IAH1: variants seen among roughly 807,000 people sequenced by gnomAD.
IAH1 encodes isoamyl acetate-hydrolyzing esterase 1 homolog.
Under a neutral mutation model 26.7 loss-of-function variants are expected in IAH1, and 24 were observed. The observed-to-expected ratio is 0.90, with a 90% CI of 0.65 to 1.26. IAH1 has a LOEUF of 1.26. Ranked by LOEUF, IAH1 falls within the 50% of genes most tolerant of loss-of-function variation. The pLI is 0.00. For missense variants in IAH1, 300 were observed against 299.9 expected (o/e 1.00, Z 0.00); for synonymous variants, 140 against 118.5 (o/e 1.18, Z -1.18).
rs1316705487 is a variant in IAH1, at chr2:9,478,349, G to T, written c.262G>T (p.Ala88Ser). ...IPVAVTIFFG[A>S]NDSALKDENP... ...AGTAGCAGTTACAATTTTCTTTGGG[G>T]CCAATGACAGTGCACTAAAAGGTAA... Residue 88 changes from alanine to serine, a missense_variant, in exon 3 of 6, where the codon GCC becomes TCC. Ala to Ser is a moderately conservative substitution (Grantham distance 99). Transcript: ENST00000497473. 1.2e-6 allele frequency: 2 copies of T among 1,608,180 alleles called. No homozygotes were observed. The highest frequency in any genetic ancestry group is 3.4e-5 in the Admixed American group (2 of 59,192).
At chr2:9,508,369 C>G in the IAH1 span, among the ~76,000 whole-genome samples, 1 of 152,196 alleles carries the variant, frequency 6.6e-6, no homozygotes, top group East Asian at 1.9e-4. Context: ...TACATCCGCG[C>G]TACTTTTCCT....
At chr2:9,508,257 G>A in the IAH1 span, among the ~76,000 whole-genome samples, 1 of 152,122 alleles carries the variant, frequency 6.6e-6, no homozygotes. Context: ...TTCTATTACA[G>A]AAATATTCAA....
At chr2:9,494,864 A>G in intron 6 of IAH1, 1 of 1,452,840 alleles carries the variant, frequency 6.9e-7, no homozygotes, top group Non-Finnish European at 9.3e-7. Context: ...CAAAGAGGTA[A>G]GAAATCACAT....
At position 9,487,842 on chromosome 2, in the gene IAH1, G is replaced by GCGCGCGCA. The variant is rs1553354427; in HGVS notation, c.565-298_565-297insACGCGCGC. On this transcript the variant is annotated intron_variant, in intron 5 of 5. Transcript: ENST00000497473. The stretch of plus-strand genomic sequence containing the variant: ...TGTGTGTGTGTGTGTGTGCGCGCGC[G>GCGCGCGCA]CGCGCGCGCTGTGGGGGGAGACAGT... Among the ~76,000 whole-genome samples, 45 of 139,596 alleles carry GCGCGCGCA rather than the reference G, an allele frequency of 3.2e-4. 2 individuals carry two copies. Among genetic ancestry groups the GCGCGCGCA allele is most frequent in the African/African-American group, 1.1e-3 (38 of 34,102 alleles). The allele number at this position is 139,596 out of a possible 152,430, so 91.6% of individuals were successfully genotyped here.
downstream of IAH1, chr2:9,493,723 A>AG: frequency 6.3e-7 from 1 of 1,599,978 alleles, no homozygotes; most frequent in Non-Finnish European, 8.6e-7. Context: ...AGCTCTCAGT[A>AG]AGTAATCTGG....
At chr2:9,505,606 C>T in the IAH1 span, 8 of 505,078 alleles carry the variant, frequency 1.6e-5, no homozygotes, top group Admixed American at 9.7e-5. Context: ...ATTCTTCTTA[C>T]GAAGGTAAGC....
chr2:9,489,746 A>T (rs1056819058), downstream of IAH1: 1 of 143,042 alleles, frequency 7.0e-6, no homozygotes, highest in Non-Finnish European at 1.5e-5. Context: ...AAAAAAAAAA[A>T]AAACTATTCC....
intron 4 of IAH1, among the ~76,000 whole-genome samples, chr2:9,483,279 G>A (rs1183606328): frequency 5.9e-5 from 9 of 152,120 alleles, no homozygotes; most frequent in African/African-American, 2.2e-4. Context: ...GTCTTGCTGT[G>A]TCACCCAGGC....
At position 9,481,470 on chromosome 2, in the gene IAH1, C is replaced by T. The variant is rs187336459; in HGVS notation, c.445+23C>T. ...AAGGTAAACAAACCACAGCCAATCTCGGCAAATCTGGATAGGAATGCTGAG... is the reference window on the plus strand; with the variant it reads ...AAGGTAAACAAACCACAGCCAATCTTGGCAAATCTGGATAGGAATGCTGAG... On this transcript the variant is annotated intron_variant, in intron 4 of 5. Transcript: ENST00000497473. The T allele has an allele frequency of 5.4e-4, 873 of 1,612,762 alleles. 4 individuals are homozygous for T. In the African/African-American group the frequency reaches 0.01, roughly 19 times the overall value.
downstream of IAH1, among the ~76,000 whole-genome samples, chr2:9,498,259 C>A (rs1032154229): frequency 6.6e-6 from 1 of 152,122 alleles, no homozygotes; most frequent in Non-Finnish European, 1.5e-5. Flanking sequence ...TGTAAAACTG[C>A]TGGGCTCAAG....
At chr2:9,483,631 T>TG (rs1174865123) in intron 4 of IAH1, among the ~76,000 whole-genome samples, 8 of 152,110 alleles carry the variant, frequency 5.3e-5, no homozygotes, top group African/African-American at 1.7e-4. Context: ...CAGCCCTCAC[T>TG]GTCCTGTTTG....
chr2:9,504,574 G>A, the IAH1 span, among the ~76,000 whole-genome samples: 1 of 151,996 alleles, frequency 6.6e-6, no homozygotes, highest in East Asian at 1.9e-4. Context: ...AGACCATCCT[G>A]GCCACCGTAG....
chr2:9,488,062 C>T, intron 5 of IAH1, 85 bp from the exon 6 acceptor site: 1 of 907,850 alleles, frequency 1.1e-6, no homozygotes, highest in Non-Finnish European at 1.6e-6. Flanking sequence ...TCCAGTAATC[C>T]TCGGCCCCAA....
chr2:9,504,763 G>GAA, the IAH1 span, among the ~76,000 whole-genome samples: 12 of 117,790 alleles, frequency 1.0e-4, no homozygotes, highest in South Asian at 1.4e-3. Flanking sequence ...TCTGTCTCAG[G>GAA]AAAAAAAAAA....
At chr2:9,474,052 T>C (rs1347505584), upstream of IAH1, among the ~76,000 whole-genome samples, 1 of 152,042 alleles carries the variant, frequency 6.6e-6, no homozygotes, top group Non-Finnish European at 1.5e-5. This position sits in a 1 kb window ranked among gnomAD's most constrained non-coding sequence, Gnocchi z 4.3. Context: ...GTGCAGCTGC[T>C]TTCCCTTGTC....
At chr2:9,503,707 T>C in the IAH1 span, among the ~76,000 whole-genome samples, 1 of 151,612 alleles carries the variant, frequency 6.6e-6, no homozygotes, top group Admixed American at 6.6e-5. Context: ...GGCGTGGTGG[T>C]GCACACTGTA....
At chr2:9,507,806 A>T in the IAH1 span, among the ~76,000 whole-genome samples, 2 of 151,900 alleles carry the variant, frequency 1.3e-5, no homozygotes, top group East Asian at 3.9e-4. Flanking sequence ...TGCCGCCTTG[A>T]ACTCCCCGGG....
At chr2:9,482,775 G>A (rs2124916879) in intron 4 of IAH1, among the ~76,000 whole-genome samples, 1 of 152,314 alleles carries the variant, frequency 6.6e-6, no homozygotes, top group East Asian at 1.9e-4. Flanking sequence ...TATGCCAAGG[G>A]GTGCCACACA....
the IAH1 span, among the ~76,000 whole-genome samples, chr2:9,503,121 CA>C: frequency 6.3e-5 from 8 of 126,498 alleles, 1 homozygote; most frequent in South Asian, 1.4e-3. Context: ...GCCTGGTCAA[CA>C]GGGCGAGACT....
Sources: allele counts gnomAD v4.1 joint callset (sites outside exome capture counted in the v4.1 genomes callset), GRCh38; gene constraint gnomAD v4.1.1; non-coding constraint Gnocchi (gnomAD v3.1); transcripts MANE v1.5; gene names NCBI Gene and HGNC (gene_info 2026-07-23, HGNC 2026-07-21).